Variants in RBFOX1 observed in about 807,000 individuals in gnomAD.
The protein encoded by RBFOX1 is RNA binding fox-1 homolog 1.
In RBFOX1, 8 loss-of-function variants were observed where a neutral mutation model predicts 57.7. The ratio of observed to expected loss-of-function variants is 0.14; its 90% CI spans 0.08 to 0.25. The LOEUF is 0.25. Ranked by LOEUF, RBFOX1 falls within the 10% of genes least tolerant of loss-of-function variation. RBFOX1 has a pLI of 1.00. For missense variants in RBFOX1, 611 were observed against 548.5 expected (o/e 1.11, Z -1.14); for synonymous variants, 326 against 222.4 (o/e 1.47, Z -4.15).
At chr16:6,779,989 TTATATATTTATA>T (rs1567211059) in intron 3 of RBFOX1, among the ~76,000 whole-genome samples, 2 of 15,484 alleles carry the variant, frequency 1.3e-4, no homozygotes, top group African/African-American at 6.8e-4. Flanking sequence ...ATTTATATAT[TTATATATTTATA>T]TATATTTATA....
intron 4 of RBFOX1, among the ~76,000 whole-genome samples, chr16:7,159,764 C>A (rs941704693): frequency 1.3e-5 from 2 of 152,302 alleles, no homozygotes; most frequent in Non-Finnish European, 1.5e-5. Flanking sequence ...TTTCCTCCCT[C>A]CCATCAAATA....
chr16:7,428,401 A>T (rs1423912006), intron 4 of RBFOX1, among the ~76,000 whole-genome samples: 2 of 136,956 alleles, frequency 1.5e-5, no homozygotes, highest in Admixed American at 1.7e-4. Flanking sequence ...ATCTCGGTTC[A>T]CTGCAACTTT....
intron 10 of RBFOX1, among the ~76,000 whole-genome samples, chr16:7,613,561 T>G (rs2057925916): frequency 6.6e-6 from 1 of 152,026 alleles, no homozygotes; most frequent in African/African-American, 2.4e-5. Context: ...ATGAAGAGGG[T>G]GGTTATAACA....
chr16:5,725,050 G>C (rs970398975), intron 3 of RBFOX1, among the ~76,000 whole-genome samples: 3 of 152,066 alleles, frequency 2.0e-5, no homozygotes, highest in Non-Finnish European at 4.4e-5. Flanking sequence ...TTTCCCTTGG[G>C]AGATGCCAGT....
intron 1 of RBFOX1, among the ~76,000 whole-genome samples, chr16:5,372,003 G>C (rs889242539): frequency 2.0e-5 from 3 of 152,304 alleles, no homozygotes; most frequent in Admixed American, 1.3e-4. Context: ...GTCCTCATAA[G>C]GGGGGAATCC....
intron 4 of RBFOX1, among the ~76,000 whole-genome samples, chr16:6,010,343 C>T (rs1415475387): frequency 6.6e-6 from 1 of 152,170 alleles, no homozygotes; most frequent in African/African-American, 2.4e-5. Flanking sequence ...GCTCCCTTGC[C>T]CCGGGGTGGG....
intron 4 of RBFOX1, among the ~76,000 whole-genome samples, chr16:7,295,754 C>T (rs865903983): frequency 1.3e-5 from 2 of 152,074 alleles, no homozygotes; most frequent in African/African-American, 4.8e-5. Flanking sequence ...TTCCCAAATA[C>T]CCCATCGCAA....
At chr16:5,522,841 T>C (rs1005255569) in intron 2 of RBFOX1, among the ~76,000 whole-genome samples, 5 of 152,224 alleles carry the variant, frequency 3.3e-5, no homozygotes, top group African/African-American at 1.2e-4. Flanking sequence ...TGATGTCCAG[T>C]TCTATCCCAA....
chr16:7,433,183 G>A (rs2098695796), intron 4 of RBFOX1, among the ~76,000 whole-genome samples: 1 of 152,300 alleles, frequency 6.6e-6, no homozygotes, highest in East Asian at 1.9e-4. Context: ...CTTCTTAGGA[G>A]GAAGTCTATA....
intron 3 of RBFOX1, among the ~76,000 whole-genome samples, chr16:6,778,562 A>C (rs2154220370): frequency 6.6e-6 from 1 of 152,274 alleles, no homozygotes; most frequent in South Asian, 2.1e-4. Flanking sequence ...CAGTTATCTT[A>C]CATATTTATA....
chr16:7,405,891 C>A (rs1311506520), intron 4 of RBFOX1, among the ~76,000 whole-genome samples: 1 of 152,134 alleles, frequency 6.6e-6, no homozygotes, highest in Non-Finnish European at 1.5e-5. Context: ...GGCTCTGTGT[C>A]CCCAGGGTGC....
At chr16:5,839,542 C>T (rs1447940197) in intron 3 of RBFOX1, among the ~76,000 whole-genome samples, 8 of 152,290 alleles carry the variant, frequency 5.3e-5, no homozygotes, top group Admixed American at 5.2e-4. Context: ...GTGCTCTGAA[C>T]TGCAAACAAC....
At chr16:5,590,064 C>T (rs1035821596) in intron 2 of RBFOX1, among the ~76,000 whole-genome samples, 2 of 143,752 alleles carry the variant, frequency 1.4e-5, no homozygotes, top group African/African-American at 5.4e-5. Context: ...CACACACACA[C>T]ACACACACAC....
intron 4 of RBFOX1, among the ~76,000 whole-genome samples, chr16:7,365,715 A>C (rs932615434): frequency 2.0e-5 from 3 of 152,234 alleles, no homozygotes; most frequent in Non-Finnish European, 4.4e-5. Context: ...TAGCACCCAA[A>C]ATATCAAGAG....
chr16:6,809,854 C>G (rs1461581089), intron 3 of RBFOX1, among the ~76,000 whole-genome samples: 2 of 152,072 alleles, frequency 1.3e-5, no homozygotes, highest in African/African-American at 4.8e-5. Flanking sequence ...GTGTAATTCA[C>G]CAGTCCGGTG....
At chr16:6,833,853 G>T (rs1417756651) in intron 3 of RBFOX1, among the ~76,000 whole-genome samples, 1 of 152,120 alleles carries the variant, frequency 6.6e-6, no homozygotes, top group Non-Finnish European at 1.5e-5. Flanking sequence ...GAGTGGTGCA[G>T]ACTGAGGAGA....
At chr16:7,125,592 A>C (rs1756336160) in intron 4 of RBFOX1, among the ~76,000 whole-genome samples, 1 of 152,182 alleles carries the variant, frequency 6.6e-6, no homozygotes, top group African/African-American at 2.4e-5. Context: ...TACGGTCAAC[A>C]TCTCATTTCA....
At chr16:5,385,816 G>C (rs2066240604) in intron 1 of RBFOX1, among the ~76,000 whole-genome samples, 1 of 152,164 alleles carries the variant, frequency 6.6e-6, no homozygotes, top group Non-Finnish European at 1.5e-5. Flanking sequence ...CCCTCAATCA[G>C]CACCAATATT....
intron 3 of RBFOX1, among the ~76,000 whole-genome samples, chr16:5,704,769 G>A (rs1408949673): frequency 1.3e-5 from 2 of 152,154 alleles, no homozygotes; most frequent in Non-Finnish European, 2.9e-5. Flanking sequence ...GGGTTACTAT[G>A]TGTGCTCTGG....
Sources: gnomAD v4.1 joint callset for allele counts (sites outside exome capture counted in the v4.1 genomes callset) on GRCh38, gnomAD v4.1.1 for gene constraint, MANE v1.5 for transcripts, NCBI Gene and HGNC (gene_info 2026-07-23, HGNC 2026-07-21) for gene names.